DPP10: variants seen among roughly 807,000 people sequenced by gnomAD.
DPP10 encodes the protein inactive dipeptidyl peptidase 10.
In DPP10, 33 loss-of-function variants were observed where a neutral mutation model predicts 120.9. The ratio of observed to expected loss-of-function variants is 0.27; its 90% CI spans 0.21 to 0.37. DPP10 has a LOEUF of 0.37. DPP10 is among the 10% of genes least tolerant of loss of function. The pLI, the probability that DPP10 is intolerant of heterozygous loss-of-function variation, is 1.00. For missense variants in DPP10, 816 were observed against 942.8 expected (o/e 0.87, Z 1.76); for synonymous variants, 337 against 326.1 (o/e 1.03, Z -0.36).
chr2:114,948,912 G>C (rs559443223), intron 1 of DPP10, among the ~76,000 whole-genome samples: 13 of 151,890 alleles, frequency 8.6e-5, no homozygotes, highest in African/African-American at 2.7e-4. Flanking sequence ...ACCAACAAAG[G>C]GGGTAGTGAG....
intron 12 of DPP10, among the ~76,000 whole-genome samples, chr2:115,767,400 T>C (rs530852024): frequency 6.6e-6 from 1 of 152,110 alleles, no homozygotes; most frequent in East Asian, 1.9e-4. Flanking sequence ...ACTCAATGTT[T>C]CATCAGATAA....
At chr2:115,162,067 G>A (rs750467930) in intron 1 of DPP10, 12 of 1,465,846 alleles carry the variant, frequency 8.2e-6, no homozygotes, top group Middle Eastern at 2.5e-4. Context: ...TCCCGGGAGG[G>A]GTGGCTCCAG....
intron 8 of DPP10, among the ~76,000 whole-genome samples, chr2:115,732,880 G>C (rs1365060713): frequency 6.6e-6 from 1 of 152,126 alleles, no homozygotes; most frequent in South Asian, 2.1e-4. Flanking sequence ...AGAGCAATAC[G>C]ATGAGAAATA....
intron 1 of DPP10, among the ~76,000 whole-genome samples, chr2:114,928,649 G>T (rs1489620745): frequency 6.6e-6 from 1 of 152,026 alleles, no homozygotes; most frequent in Non-Finnish European, 1.5e-5. Flanking sequence ...GAAGGTGATG[G>T]TTCTCTTCCT....
rs57462947 is a variant in DPP10, at chr2:115,207,416, C to CAAAAAAAAAAAAAAAAAAAAAAAA, written c.61-101816_61-101793dup. On this transcript the variant is annotated intron_variant, in intron 1 of 25. Coordinates refer to ENST00000410059, the MANE Select transcript of DPP10 (RefSeq NM_020868.6). The stretch of plus-strand genomic sequence containing the variant: ...GGTTTTTAAAGAGTGCTTACTGCAC[C>CAAAAAAAAAAAAAAAAAAAAAAAA]AAAAAAAAAAAAAAAAAAAAAAAAA... 1.3e-4 allele frequency among the ~76,000 whole-genome samples: 7 copies of CAAAAAAAAAAAAAAAAAAAAAAAA among 52,302 alleles called. 2 individuals carry two copies. Among genetic ancestry groups the CAAAAAAAAAAAAAAAAAAAAAAAA allele is most frequent in the African/African-American group, 4.6e-4 (7 of 15,136 alleles). The allele number at this position is 52,302 out of a possible 152,430, so 34.3% of individuals were successfully genotyped here.
chr2:114,563,534 C>G (rs1688941101), intron 1 of DPP10, among the ~76,000 whole-genome samples: 1 of 152,124 alleles, frequency 6.6e-6, no homozygotes, highest in Non-Finnish European at 1.5e-5. Flanking sequence ...ATCTACCGTT[C>G]TATTTATCAT....
intron 2 of DPP10, among the ~76,000 whole-genome samples, chr2:115,339,060 A>G (rs1429722490): frequency 2.6e-5 from 4 of 152,312 alleles, no homozygotes; most frequent in Admixed American, 6.5e-5. Context: ...GTATCTGACA[A>G]AGCATTTGTA....
intron 1 of DPP10, among the ~76,000 whole-genome samples, chr2:114,695,941 C>T (rs181507004): frequency 6.6e-6 from 1 of 152,102 alleles, no homozygotes; most frequent in East Asian, 1.9e-4. Flanking sequence ...TTACAATGGA[C>T]TATATATTTG....
chr2:115,376,911 A>G (rs1390225478), intron 3 of DPP10, among the ~76,000 whole-genome samples: 2 of 147,074 alleles, frequency 1.4e-5, no homozygotes, highest in African/African-American at 5.0e-5. Context: ...ATAGTATTCC[A>G]TGGTGTATAT....
At chr2:114,976,910 A>G (rs1699789789) in intron 1 of DPP10, among the ~76,000 whole-genome samples, 1 of 151,740 alleles carries the variant, frequency 6.6e-6, no homozygotes, top group Non-Finnish European at 1.5e-5. Flanking sequence ...TTTACCTTCA[A>G]TCTTCTTTGT....
chr2:115,639,363 C>A (rs2086595650), intron 5 of DPP10, among the ~76,000 whole-genome samples: 1 of 152,096 alleles, frequency 6.6e-6, no homozygotes, highest in Non-Finnish European at 1.5e-5. Flanking sequence ...TAGTTAGAAG[C>A]TGGCAATTTC....
chr2:115,075,655 A>T (rs980777940), intron 1 of DPP10, among the ~76,000 whole-genome samples: 1 of 151,600 alleles, frequency 6.6e-6, no homozygotes, highest in African/African-American at 2.4e-5. Context: ...TTTGAGGCTT[A>T]TTAGCTCAGC....
intron 1 of DPP10, among the ~76,000 whole-genome samples, chr2:114,855,133 G>A (rs1014080359): frequency 6.6e-6 from 1 of 152,124 alleles, no homozygotes; most frequent in Non-Finnish European, 1.5e-5. Context: ...AAAGGGAAGG[G>A]AAGGAAAAGA....
chr2:115,358,141 C>T (rs2064528311), intron 3 of DPP10, among the ~76,000 whole-genome samples: 1 of 152,114 alleles, frequency 6.6e-6, no homozygotes, highest in African/African-American at 2.4e-5. Flanking sequence ...CTGCAGCCTG[C>T]TTGAATTTCT....
At chr2:114,632,734 G>A (rs538880519) in intron 1 of DPP10, among the ~76,000 whole-genome samples, 20 of 152,012 alleles carry the variant, frequency 1.3e-4, no homozygotes, top group African/African-American at 4.6e-4. Context: ...GGATGGTCTC[G>A]ATCTCCTGAC....
intron 20 of DPP10, 73 bp from the exon 21 acceptor site, chr2:115,815,602 G>A: frequency 1.5e-6 from 2 of 1,316,490 alleles, no homozygotes. Context: ...TTGTATGTAT[G>A]CATGCCAACT....
At chr2:114,692,091 T>C (rs1699788786) in intron 1 of DPP10, among the ~76,000 whole-genome samples, 1 of 152,092 alleles carries the variant, frequency 6.6e-6, no homozygotes, top group South Asian at 2.1e-4. Context: ...CCTTCAGTTC[T>C]GCTTTGATCT....
At chr2:114,635,228 G>A (rs919416024) in intron 1 of DPP10, among the ~76,000 whole-genome samples, 5 of 151,640 alleles carry the variant, frequency 3.3e-5, no homozygotes, top group Admixed American at 1.3e-4. Context: ...ACCATGCAGA[G>A]GTTGAATTTA....
At chr2:114,497,288 CATGTACATGTATACGT>C in intron 1 of DPP10, among the ~76,000 whole-genome samples, 2 of 53,092 alleles carry the variant, frequency 3.8e-5, no homozygotes, top group South Asian at 8.8e-4. Context: ...TACGTGTATA[CATGTACATGTATACGT>C]GTATACATGT....
Sources: gnomAD v4.1 joint callset for allele counts (sites outside exome capture counted in the v4.1 genomes callset) on GRCh38, gnomAD v4.1.1 for gene constraint, MANE v1.5 for transcripts, NCBI Gene and HGNC (gene_info 2026-07-23, HGNC 2026-07-21) for gene names.